ARAF: variants seen among roughly 807,000 people sequenced by gnomAD.
The protein encoded by ARAF is A-Raf proto-oncogene, serine/threonine kinase, also known as serine/threonine-protein kinase A-Raf.
A neutral mutation model predicts 48.0 loss-of-function variants in ARAF; 18 were observed. That is an observed-to-expected ratio of 0.37 (90% CI 0.26 to 0.56). The LOEUF (loss-of-function observed/expected upper bound fraction) is 0.56, where lower values mean the gene tolerates loss of function less well. Ranked by LOEUF, ARAF falls within the 20% of genes least tolerant of loss-of-function variation. The pLI is 0.77. For synonymous variants in ARAF, 207 were observed against 220.1 expected, an observed-to-expected ratio of 0.94 and a Z score of 0.53; for missense variants, 389 against 543.1, an observed-to-expected ratio of 0.72 and a Z score of 2.82.
chrX:47,566,402 C>G (rs1041622046), intron 6 of ARAF, among the ~76,000 whole-genome samples: 2 of 112,042 alleles, frequency 1.8e-5, no homozygotes. Flanking sequence ...TTTTTTATTT[C>G]AGCCCCACCA....
intron 6 of ARAF, 49 bp from the exon 7 acceptor site, chrX:47,566,590 C>T (rs773650920): frequency 2.7e-6 from 3 of 1,121,616 alleles, no homozygotes; most frequent in South Asian, 4.5e-5. Flanking sequence ...GGGGGGCTTT[C>T]TCGGTTCTCT....
At chrX:47,562,522 C>T (rs1246199069) in intron 1 of ARAF, among the ~76,000 whole-genome samples, 1 of 106,591 alleles carries the variant, frequency 9.4e-6, no homozygotes. Context: ...AAAAAAAACC[C>T]AGGACATTCT....
In ARAF at chrX:47,571,218, T is replaced by G. The variant is rs67832160; in HGVS notation, c.1687-105T>G. On this transcript the variant is annotated intron_variant, in intron 15 of 15. Transcript: ENST00000377045. ...CATGAGGCTGGGACTGTTGGGTGTGTGTGTGTGTGTGTGTGTGTGTGTGTG... is the reference window on the plus strand; with the variant it reads ...CATGAGGCTGGGACTGTTGGGTGTGGGTGTGTGTGTGTGTGTGTGTGTGTG... 9,939 of 372,487 alleles carry G rather than the reference T, an allele frequency of 0.027. 279 individuals are homozygous for G. Among genetic ancestry groups the G allele is most frequent in the African/African-American group, 0.23 (4,548 of 19,952 alleles). 30.7% of individuals were successfully genotyped at this position (372,487 alleles called of 1,213,427 possible).
intron 10 of ARAF, 74 bp from the exon 11 acceptor site, chrX:47,568,644 C>T: frequency 9.4e-7 from 1 of 1,067,862 alleles, no homozygotes; most frequent in South Asian, 2.1e-5. Context: ...AAGAACAGTG[C>T]CACTCCTGAT....
rs1163183186 is a variant in ARAF, at chrX:47,569,985, T to G, written c.1512T>G (p.Thr504=). 8.3e-7 allele frequency: 1 copy of G among 1,206,100 alleles called. No individual in the cohort carries two copies. Among genetic ancestry groups the G allele is most frequent in the Non-Finnish European group, 1.1e-6 (1 of 893,026 alleles). ...GGGTTGTGCTCTACGAGCTTATGAC[T>G]GGCTCACTGCCTTACAGCCACATTG... The part of the protein sequence containing the change: ...AYGVVLYELM[T]GSLPYSHIGC... The change falls in exon 14 of 16, where the codon ACT becomes ACG. Residue 504 remains threonine, a synonymous_variant. Coordinates refer to ENST00000377045, the MANE Select transcript of ARAF (RefSeq NM_001654.5).
At position 47,566,870 on chromosome X, in the gene ARAF, C is replaced by T. The variant is rs2057735301; in HGVS notation, c.700-14C>T. 1.7e-6 allele frequency: 2 copies of T among 1,211,605 alleles called. No individual in the cohort carries two copies. Among genetic ancestry groups the T allele is most frequent in the Non-Finnish European group, 2.2e-6 (2 of 895,500 alleles). ...TCCATGCCCTCTTTTTGACTCCTGT[C>T]CCTCTTCTTCTAGCTCACTGGCCAG... On this transcript the variant is annotated splice_polypyrimidine_tract_variant and intron_variant, in intron 7 of 15. Coordinates refer to ENST00000377045, the MANE Select transcript of ARAF (RefSeq NM_001654.5).
chrX:47,562,539 G>A (rs1219871941), intron 1 of ARAF, among the ~76,000 whole-genome samples: 1 of 106,564 alleles, frequency 9.4e-6, no homozygotes, highest in South Asian at 4.1e-4. Context: ...TTCTGTTCGT[G>A]CTTCTTATGT....
At chrX:47,568,493 C>G (rs915375926) in intron 10 of ARAF, among the ~76,000 whole-genome samples, 3 of 110,227 alleles carry the variant, frequency 2.7e-5, no homozygotes, top group African/African-American at 9.9e-5. Context: ...TTGGGAGACT[C>G]GGATGGGGAA....
In ARAF at chrX:47,571,435, G is replaced by T; in HGVS notation, c.1799G>T (p.Ser600Ile). 1.7e-6 allele frequency: 2 copies of T among 1,206,169 alleles called. No homozygotes were observed. Among genetic ancestry groups the T allele is most frequent in the Admixed American group, 4.4e-5 (2 of 45,489 alleles). Reference sequence around the variant, plus strand: ...GATGAGTTGCCTGCCTGCCTACTCAGCGCAGCCCGCCTTGTGCCTTAGGCC... The same window carrying T: ...GATGAGTTGCCTGCCTGCCTACTCATCGCAGCCCGCCTTGTGCCTTAGGCC... ...QADELPACLL[S>I]AARLVP The change falls in exon 16 of 16, where the codon AGC (serine) becomes ATC (isoleucine). Residue 600 changes from serine to isoleucine, a missense_variant. Physicochemically the swap from Ser to Ile is moderately radical, Grantham distance 142 (BLOSUM62 -2). Coordinates refer to ENST00000377045, the MANE Select transcript of ARAF (RefSeq NM_001654.5).
At chrX:47,566,579 T>G (rs899689325) in intron 6 of ARAF, 60 bp from the exon 7 acceptor site, 19 of 1,059,591 alleles carry the variant, frequency 1.8e-5, no homozygotes, top group Admixed American at 1.0e-4. Flanking sequence ...GGGGGTGGGG[T>G]GGGGGGCTTT....
chrX:47,569,693 G>T (rs759062565), intron 13 of ARAF, 36 bp downstream of exon 13: 19 of 1,170,045 alleles, frequency 1.6e-5, no homozygotes, highest in Non-Finnish European at 2.0e-5. Context: ...GGCACATGGG[G>T]ACGTGGGCTC....
In ARAF at chrX:47,566,538, C is replaced by G. The variant is rs779045731; in HGVS notation, c.558-101C>G. On this transcript the variant is annotated intron_variant, in intron 6 of 15. Coordinates refer to ENST00000377045, the MANE Select transcript of ARAF (RefSeq NM_001654.5). ...TAATAGTACTGCCAGTGGACATTCG[C>G]TCTGTGTGAGCCAAATGCATGTTTA... 191 of 896,730 alleles carry G rather than the reference C, an allele frequency of 2.1e-4. No individual in the cohort carries two copies. The African/African-American group carries it at 3.6e-3, about 17-fold the overall frequency. The allele number at this position is 896,730 out of a possible 1,213,427, so 73.9% of individuals were successfully genotyped here. A position where few individuals can be genotyped will look rare whatever the true frequency, so the allele number is the denominator to read the frequency against.
intron 1 of ARAF, among the ~76,000 whole-genome samples, chrX:47,561,464 G>C (rs950913300): frequency 1.8e-5 from 2 of 112,019 alleles, no homozygotes; most frequent in Non-Finnish European, 3.8e-5. Context: ...GCGGGTGATG[G>C]TTTCGCCCGC....
In ARAF at chrX:47,561,969, A is replaced by ACCC. The variant is rs35299477; in HGVS notation, c.-60+728_-60+730dup. On this transcript the variant is annotated intron_variant, in intron 1 of 15. Transcript: ENST00000377045. ...TCTCCCTTCCGCATAGTATGTAGTG[A>ACCC]CCCCCCCCCCCCATGAATTCCTCAT... Among the ~76,000 whole-genome samples the ACCC allele has an allele frequency of 2.4e-4, 14 of 59,011 alleles. 1 individual carries two copies. Among genetic ancestry groups the ACCC allele is most frequent in the African/African-American group, 7.8e-4 (13 of 16,633 alleles). The allele number at this position is 59,011 out of a possible 115,157, so 51.2% of individuals were successfully genotyped here.
Position 47,569,676 on chromosome X carries a change from G to A in ARAF, c.1419+19G>A, listed in dbSNP as rs2854427. On this transcript the variant is annotated intron_variant, in intron 13 of 15. Transcript: ENST00000377045. ...GTGGATGGTGAGTTGGGCCAGGCTG[G>A]ATGGGGGGCACATGGGGACGTGGGC... 1.7e-6 allele frequency: 2 copies of A among 1,190,921 alleles called. No homozygotes were observed. The highest frequency in any genetic ancestry group is 2.3e-6 in the Non-Finnish European group (2 of 877,585).
Position 47,571,658 on chromosome X carries a change from C to T in ARAF, c.*201C>T. On this transcript the variant is annotated 3_prime_UTR_variant, in exon 16 of 16. Coordinates refer to ENST00000377045, the MANE Select transcript of ARAF (RefSeq NM_001654.5). ...CCGCCAAAGACTGAGCCCCCTGTCT[C>T]CTCCATCATTTGGTTTCCTCTTGGC... 1.9e-6 allele frequency: 1 copy of T among 536,638 alleles called. No individual in the cohort carries two copies. Among genetic ancestry groups the T allele is most frequent in the Non-Finnish European group, 2.8e-6 (1 of 353,068 alleles). The allele number at this position is 536,638 out of a possible 1,213,427, so 44.2% of individuals were successfully genotyped here.
chrX:47,571,806 T>G lies in ARAF; in HGVS notation c.*349T>G, dbSNP rs768545081. On this transcript the variant is annotated 3_prime_UTR_variant, in exon 16 of 16. Transcript: ENST00000377045. ...ATGTGCCTTCCACTGGATTTTGGGGTTCCCAGCACCCCATGTGGATTTTGG... is the reference window on the plus strand; with the variant it reads ...ATGTGCCTTCCACTGGATTTTGGGGGTCCCAGCACCCCATGTGGATTTTGG... 2.3e-5 allele frequency: 5 copies of G among 222,215 alleles called. No individual in the cohort carries two copies. In the East Asian group the frequency reaches 3.0e-4, roughly 13 times the overall value. 18.3% of individuals were successfully genotyped at this position (222,215 alleles called of 1,213,427 possible).
At chrX:47,569,411 C>G (rs1010514052) in intron 12 of ARAF, 128 bp from the exon 13 acceptor site, 2 of 553,175 alleles carry the variant, frequency 3.6e-6, no homozygotes, top group Non-Finnish European at 3.0e-6. Context: ...GGATAGTTTG[C>G]GTGATATTAA....
Position 47,567,390 on chromosome X carries a change from C to A in ARAF, c.1034C>A (p.Ala345Asp), listed in dbSNP as rs150568726. 8.3e-7 allele frequency: 1 copy of A among 1,208,993 alleles called. No individual in the cohort carries two copies. The highest frequency in any genetic ancestry group is 3.0e-5 in the East Asian group (1 of 33,737). ...VKVLKVSQPT[A>D]EQAQAFKNEM... ...GTGCTCAAGGTGTCCCAGCCCACAG[C>A]TGAGCAGGCCCAGGCTTTCAAGAAT... is the stretch of plus-strand genomic sequence containing the variant. Residue 345 changes from alanine to aspartate, a missense_variant, in exon 10 of 16, where the codon GCT becomes GAT. Ala to Asp is a moderately radical substitution (Grantham distance 126). Transcript: ENST00000377045.
Sources: gnomAD v4.1 joint callset for allele counts (sites outside exome capture counted in the v4.1 genomes callset) on GRCh38, gnomAD v4.1.1 for gene constraint, MANE v1.5 for transcripts, NCBI Gene and HGNC (gene_info 2026-07-23, HGNC 2026-07-21) for gene names.